Variants in INPP4B observed in about 807,000 individuals in gnomAD.
INPP4B encodes the protein inositol polyphosphate 4-phosphatase type II.
In INPP4B, 55 loss-of-function variants were observed where a neutral mutation model predicts 122.5. That is an observed-to-expected ratio of 0.45 (90% CI 0.36 to 0.56). The LOEUF is 0.56. Ranked by LOEUF, INPP4B falls within the 20% of genes least tolerant of loss-of-function variation. The probability of loss-of-function intolerance (pLI) is 0.00; values close to 1 mark genes in which losing one functional copy is unlikely to be tolerated. For missense variants in INPP4B, 1,000 were observed against 1,097.7 expected, an observed-to-expected ratio of 0.91 and a Z score of 1.26; for synonymous variants, 403 against 388.7, an observed-to-expected ratio of 1.04 and a Z score of -0.43.
chr4:142,092,628 C>T (rs531003961), intron 23 of INPP4B, among the ~76,000 whole-genome samples: 1 of 152,258 alleles, frequency 6.6e-6, no homozygotes, highest in African/African-American at 2.4e-5. Context: ...ACTGAACCAA[C>T]CCTCTCTTGA....
intron 1 of INPP4B, among the ~76,000 whole-genome samples, chr4:142,752,444 C>T (rs143164547): frequency 5.0e-4 from 76 of 152,154 alleles, no homozygotes; most frequent in South Asian, 4.8e-3. Context: ...CCTGAATTTC[C>T]GCCCAAGCTT....
chr4:142,638,694 C>T (rs867527181), intron 2 of INPP4B, among the ~76,000 whole-genome samples: 36 of 151,962 alleles, frequency 2.4e-4, no homozygotes, highest in African/African-American at 7.5e-4. Flanking sequence ...TACAGGTGCC[C>T]GCCACCATGT....
intron 12 of INPP4B, among the ~76,000 whole-genome samples, chr4:142,232,993 C>G (rs1855075712): frequency 6.6e-6 from 1 of 152,090 alleles, no homozygotes; most frequent in South Asian, 2.1e-4. Flanking sequence ...TTGAAGCTGA[C>G]AGACATTGGT....
chr4:142,431,756 A>ACTATCGTT (rs1421240167), intron 3 of INPP4B, among the ~76,000 whole-genome samples: 1 of 152,102 alleles, frequency 6.6e-6, no homozygotes, highest in Non-Finnish European at 1.5e-5. Flanking sequence ...GGTGAATATT[A>ACTATCGTT]CTATCGTTCT....
intron 25 of INPP4B, among the ~76,000 whole-genome samples, chr4:142,054,501 G>A (rs1025565412): frequency 6.6e-6 from 1 of 151,936 alleles, no homozygotes; most frequent in Admixed American, 6.6e-5. Context: ...TGCCATTGGA[G>A]CTGAAAACAG....
chr4:142,319,037 G>C (rs987359186), intron 7 of INPP4B, among the ~76,000 whole-genome samples: 8 of 152,140 alleles, frequency 5.3e-5, no homozygotes, highest in Admixed American at 6.5e-5. Flanking sequence ...ATTTTTTGCA[G>C]GTGAGTAGCT....
At chr4:142,715,506 T>C (rs1025222898) in intron 2 of INPP4B, among the ~76,000 whole-genome samples, 1 of 152,132 alleles carries the variant, frequency 6.6e-6, no homozygotes, top group Admixed American at 6.6e-5. Context: ...TCCAACCCCA[T>C]TTTCATCCAA....
At chr4:142,519,464 C>T (rs181513667) in intron 2 of INPP4B, among the ~76,000 whole-genome samples, 70 of 152,236 alleles carry the variant, frequency 4.6e-4, no homozygotes, top group Non-Finnish European at 8.8e-4. Flanking sequence ...TTGTCATTGA[C>T]TTCTGCTAAC....
At chr4:142,548,801 C>T (rs1340825625) in intron 2 of INPP4B, among the ~76,000 whole-genome samples, 2 of 151,414 alleles carry the variant, frequency 1.3e-5, no homozygotes, top group Admixed American at 6.6e-5. Flanking sequence ...ATTAATTTAA[C>T]GTTTTGACAG....
chr4:142,509,335 C>T (rs1042845383), intron 2 of INPP4B, among the ~76,000 whole-genome samples: 14 of 152,098 alleles, frequency 9.2e-5, no homozygotes, highest in Admixed American at 3.3e-4. Context: ...CCCATCAACC[C>T]GTCATCTACA....
chr4:142,380,502 A>C (rs1457152763), intron 7 of INPP4B, among the ~76,000 whole-genome samples: 1 of 152,134 alleles, frequency 6.6e-6, no homozygotes. Context: ...GATGTATTGA[A>C]TCTTCAAGAT....
At chr4:142,225,547 T>A (rs1448446775) in intron 12 of INPP4B, among the ~76,000 whole-genome samples, 1 of 148,862 alleles carries the variant, frequency 6.7e-6, no homozygotes, top group Admixed American at 6.7e-5. Context: ...AGTATATATA[T>A]AAATATGTAT....
At chr4:142,282,782 T>C (rs1424028872) in intron 9 of INPP4B, among the ~76,000 whole-genome samples, 1 of 152,074 alleles carries the variant, frequency 6.6e-6, no homozygotes, top group Non-Finnish European at 1.5e-5. Context: ...GCCACCTGTG[T>C]ATAATTACAG....
chr4:142,585,649 G>C (rs2150222214), intron 2 of INPP4B, among the ~76,000 whole-genome samples: 1 of 152,070 alleles, frequency 6.6e-6, no homozygotes, highest in South Asian at 2.1e-4. Context: ...TTCGCTCTCA[G>C]GAAAAGTTCC....
chr4:142,132,287 A>G (rs1801703640), intron 18 of INPP4B, among the ~76,000 whole-genome samples: 1 of 151,390 alleles, frequency 6.6e-6, no homozygotes, highest in Non-Finnish European at 1.5e-5. Context: ...TTTCTTGGAG[A>G]GAGCAGAGGC....
chr4:142,141,643 A>T (rs1210173271), intron 18 of INPP4B, among the ~76,000 whole-genome samples: 1 of 152,140 alleles, frequency 6.6e-6, no homozygotes, highest in South Asian at 2.1e-4. Context: ...CCAAAGATAT[A>T]CTGTAAAACC....
chr4:142,569,366 G>T (rs1057510993), intron 2 of INPP4B, among the ~76,000 whole-genome samples: 3 of 151,650 alleles, frequency 2.0e-5, no homozygotes. Flanking sequence ...CAAAGGAGTG[G>T]TTTGCTTGCT....
intron 11 of INPP4B, among the ~76,000 whole-genome samples, chr4:142,248,032 C>T (rs1271685937): frequency 3.3e-5 from 5 of 152,044 alleles, no homozygotes; most frequent in Non-Finnish European, 7.4e-5. Context: ...ACCCCTCCTG[C>T]CCCTGCCCTC....
chr4:142,079,256 A>G (rs1424185227), intron 25 of INPP4B, among the ~76,000 whole-genome samples: 1 of 152,022 alleles, frequency 6.6e-6, no homozygotes, highest in Non-Finnish European at 1.5e-5. Context: ...AATAGTGTAC[A>G]TTATACCCAA....
Sources: gnomAD v4.1 joint callset for allele counts (sites outside exome capture counted in the v4.1 genomes callset) on GRCh38, gnomAD v4.1.1 for gene constraint, MANE v1.5 for transcripts, NCBI Gene and HGNC (gene_info 2026-07-23, HGNC 2026-07-21) for gene names.